The following GPR39 variants were observed in gnomAD, a reference collection of about 807,000 sequenced individuals.
The protein encoded by GPR39 is zinc sensing receptor.
Under a neutral mutation model 18.4 loss-of-function variants are expected in GPR39, and 23 were observed. The ratio of observed to expected loss-of-function variants is 1.25; its 90% CI spans 0.90 to 1.77. The LOEUF is 1.77. Ranked by LOEUF, GPR39 falls within the 40% of genes most tolerant of loss-of-function variation. The pLI, the probability that GPR39 is intolerant of heterozygous loss-of-function variation, is 0.00. For synonymous variants in GPR39, 280 were observed against 257.9 expected, an observed-to-expected ratio of 1.09 and a Z score of -0.82; for missense variants, 647 against 602.4, an observed-to-expected ratio of 1.07 and a Z score of -0.78.
chr2:132,570,080 C>G (rs1368753038), intron 1 of GPR39, among the ~76,000 whole-genome samples: 1 of 152,166 alleles, frequency 6.6e-6, no homozygotes, highest in Non-Finnish European at 1.5e-5. Flanking sequence ...ATCATGGTCT[C>G]CAGTTGGCCC....
At chr2:132,626,658 T>C (rs564060880) in intron 1 of GPR39, among the ~76,000 whole-genome samples, 1 of 152,314 alleles carries the variant, frequency 6.6e-6, no homozygotes, top group East Asian at 1.9e-4. Flanking sequence ...TTGAATAGTC[T>C]CTCAGTTCAA....
At chr2:132,501,274 TG>T (rs1178538594) in intron 1 of GPR39, among the ~76,000 whole-genome samples, 11 of 152,022 alleles carry the variant, frequency 7.2e-5, no homozygotes, top group African/African-American at 2.7e-4. Context: ...CCAGAGGTTT[TG>T]TCATTATTAT....
intron 1 of GPR39, among the ~76,000 whole-genome samples, chr2:132,481,650 A>G (rs1370791575): frequency 6.6e-6 from 1 of 152,258 alleles, no homozygotes; most frequent in Non-Finnish European, 1.5e-5. Flanking sequence ...CAGCCCTGAA[A>G]GACTCAGATA....
At chr2:132,444,228 T>A (rs967329449) in intron 1 of GPR39, among the ~76,000 whole-genome samples, 9 of 152,354 alleles carry the variant, frequency 5.9e-5, no homozygotes, top group African/African-American at 2.2e-4. Flanking sequence ...ACCCGAACTA[T>A]TGAACTGTTA....
chr2:132,594,690 G>A (rs1236426441), intron 1 of GPR39, among the ~76,000 whole-genome samples: 3 of 151,946 alleles, frequency 2.0e-5, no homozygotes, highest in Non-Finnish European at 4.4e-5. Flanking sequence ...TTACTCTGGA[G>A]AGATGGGGAG....
At chr2:132,483,967 T>C (rs1681283598) in intron 1 of GPR39, among the ~76,000 whole-genome samples, 1 of 152,156 alleles carries the variant, frequency 6.6e-6, no homozygotes, top group Admixed American at 6.5e-5. Context: ...TGGATCAAAG[T>C]GTAGGAGTTT....
chr2:132,614,421 A>C (rs1681295874), intron 1 of GPR39, among the ~76,000 whole-genome samples: 1 of 150,398 alleles, frequency 6.6e-6, no homozygotes, highest in Non-Finnish European at 1.5e-5. Context: ...TGCTCTCTTG[A>C]TCTCTTGACC....
intron 1 of GPR39, among the ~76,000 whole-genome samples, chr2:132,586,523 T>C (rs1168253077): frequency 1.3e-5 from 2 of 152,186 alleles, no homozygotes; most frequent in African/African-American, 4.8e-5. Flanking sequence ...GAGACACCCT[T>C]GGGGCCTTCC....
intron 1 of GPR39, among the ~76,000 whole-genome samples, chr2:132,614,482 A>T (rs6736500): frequency 2.0e-5 from 3 of 151,876 alleles, no homozygotes; most frequent in African/African-American, 7.3e-5. Flanking sequence ...CTTGTGATCC[A>T]CATACCTCGG....
intron 1 of GPR39, among the ~76,000 whole-genome samples, chr2:132,627,636 A>G (rs1410699702): frequency 6.6e-6 from 1 of 152,200 alleles, no homozygotes; most frequent in Non-Finnish European, 1.5e-5. Flanking sequence ...AAAGGGGCCT[A>G]GCTCATAAAC....
chr2:132,423,693 T>C (rs546557912), intron 1 of GPR39, among the ~76,000 whole-genome samples: 1 of 152,256 alleles, frequency 6.6e-6, no homozygotes, highest in African/African-American at 2.4e-5. Flanking sequence ...TGGCCCATCC[T>C]CCCTGACTTC....
chr2:132,535,422 A>G (rs996161537), intron 1 of GPR39, among the ~76,000 whole-genome samples: 7 of 152,156 alleles, frequency 4.6e-5, no homozygotes, highest in African/African-American at 1.7e-4. Flanking sequence ...AGCTGACTTC[A>G]TGGTGGACAA....
At chr2:132,536,649 T>C (rs1454281951) in intron 1 of GPR39, among the ~76,000 whole-genome samples, 1 of 152,224 alleles carries the variant, frequency 6.6e-6, no homozygotes, top group Non-Finnish European at 1.5e-5. Context: ...TGTTGATCTG[T>C]CTAATACTGA....
chr2:132,474,380 C>A (rs1440529888), intron 1 of GPR39, among the ~76,000 whole-genome samples: 1 of 152,086 alleles, frequency 6.6e-6, no homozygotes, highest in Non-Finnish European at 1.5e-5. Context: ...GTGCACAAGC[C>A]CTGTTCTAGG....
At chr2:132,492,462 T>TACACC (rs1681494751) in intron 1 of GPR39, among the ~76,000 whole-genome samples, 2 of 143,254 alleles carry the variant, frequency 1.4e-5, no homozygotes, top group African/African-American at 5.1e-5. Context: ...ACACACCATA[T>TACACC]ATACCATATA....
intron 1 of GPR39, among the ~76,000 whole-genome samples, chr2:132,519,405 G>C (rs1679386249): frequency 6.6e-6 from 1 of 152,124 alleles, no homozygotes; most frequent in Admixed American, 6.6e-5. Context: ...TACATGTTTG[G>C]GGAATTAGAA....
intron 1 of GPR39, among the ~76,000 whole-genome samples, chr2:132,556,587 G>C (rs748401551): frequency 2.0e-5 from 3 of 152,182 alleles, no homozygotes; most frequent in Admixed American, 6.5e-5. Flanking sequence ...TCAAATGCCA[G>C]GTCTGATTTT....
intron 1 of GPR39, among the ~76,000 whole-genome samples, chr2:132,582,922 T>C (rs934758232): frequency 5.6e-4 from 83 of 147,128 alleles, no homozygotes; most frequent in Non-Finnish European, 9.5e-4. Flanking sequence ...TTTCTTTTTT[T>C]TTTTTTTTTT....
chr2:132,601,400 C>A (rs1253385422), intron 1 of GPR39, among the ~76,000 whole-genome samples: 1 of 151,962 alleles, frequency 6.6e-6, no homozygotes, highest in East Asian at 1.9e-4. Context: ...AAGTATTTAA[C>A]ACAATTTAAC....
Sources: allele counts gnomAD v4.1 joint callset (sites outside exome capture counted in the v4.1 genomes callset), GRCh38; gene constraint gnomAD v4.1.1; transcripts MANE v1.5; gene names NCBI Gene and HGNC (gene_info 2026-07-23, HGNC 2026-07-21).